TAFA1: variants seen among roughly 807,000 people sequenced by gnomAD.
The protein encoded by TAFA1 is chemokine-like protein TAFA-1.
Under a neutral mutation model 18.5 loss-of-function variants are expected in TAFA1, and 4 were observed. The ratio of observed to expected loss-of-function variants is 0.22; its 90% CI spans 0.11 to 0.49. The LOEUF is 0.49. Among genes scored for constraint, TAFA1 ranks in the 20% least tolerant of loss-of-function variants. The pLI is 0.98. For missense variants in TAFA1, 147 were observed against 169.0 expected (o/e 0.87, Z 0.72); for synonymous variants, 56 against 55.2 (o/e 1.01, Z -0.06).
At chr3:68,314,312 G>A (rs1385962291) in intron 2 of TAFA1, among the ~76,000 whole-genome samples, 2 of 152,150 alleles carry the variant, frequency 1.3e-5, no homozygotes, top group South Asian at 2.1e-4. Context: ...TTAATTGTAT[G>A]TTCAGAACTG....
chr3:68,431,246 T>C (rs761731439), intron 3 of TAFA1, among the ~76,000 whole-genome samples: 4 of 152,010 alleles, frequency 2.6e-5, no homozygotes, highest in Non-Finnish European at 5.9e-5. Flanking sequence ...GTTTCTCACA[T>C]TACCAAGTCC....
At chr3:68,188,207 G>A (rs1273629382) in intron 2 of TAFA1, among the ~76,000 whole-genome samples, 1 of 151,644 alleles carries the variant, frequency 6.6e-6, no homozygotes, top group African/African-American at 2.4e-5. Context: ...ATTTTGTTTA[G>A]GAAATTCTAA....
chr3:68,435,226 A>T, intron 3 of TAFA1, among the ~76,000 whole-genome samples: 1 of 152,148 alleles, frequency 6.6e-6, no homozygotes, highest in Admixed American at 6.6e-5. Flanking sequence ...TGGCATGTGC[A>T]AAAGCCCAGC....
chr3:68,504,545 C>T (rs2072715604), intron 3 of TAFA1, among the ~76,000 whole-genome samples: 1 of 152,116 alleles, frequency 6.6e-6, no homozygotes, highest in Non-Finnish European at 1.5e-5. Context: ...CACACAGGCA[C>T]ACAATTGTAA....
At chr3:68,121,457 T>C (rs1559528150) in intron 2 of TAFA1, among the ~76,000 whole-genome samples, 2 of 152,184 alleles carry the variant, frequency 1.3e-5, no homozygotes, top group African/African-American at 2.4e-5. Flanking sequence ...TATGCAAGTT[T>C]ATTTTTGGTG....
In TAFA1 at chr3:68,504,116, T is replaced by C. The variant is rs531860908; in HGVS notation, c.260-34640T>C. Among the ~76,000 whole-genome samples the C allele has an allele frequency of 2.0e-5, 3 of 152,292 alleles. No homozygotes were observed. In the East Asian group the frequency reaches 5.8e-4, roughly 29 times the overall value. On this transcript the variant is annotated intron_variant, in intron 3 of 4. Transcript: ENST00000478136. ...CTAATAATCACATTTTAGTCTTATTTATGTATAACCAAATATAAAGCAAAG... is the reference window on the plus strand; with the variant it reads ...CTAATAATCACATTTTAGTCTTATTCATGTATAACCAAATATAAAGCAAAG...
At chr3:68,053,840 A>C (rs926243316) in intron 2 of TAFA1, among the ~76,000 whole-genome samples, 1 of 152,114 alleles carries the variant, frequency 6.6e-6, no homozygotes, top group Non-Finnish European at 1.5e-5. Context: ...AGTAGCTCAG[A>C]CTATAAGCAA....
intron 2 of TAFA1, among the ~76,000 whole-genome samples, chr3:68,401,179 C>G (rs2070481617): frequency 6.6e-6 from 1 of 151,948 alleles, no homozygotes; most frequent in Non-Finnish European, 1.5e-5. Context: ...AGTCATGAGT[C>G]CAGGATGATA....
intron 2 of TAFA1, among the ~76,000 whole-genome samples, chr3:68,412,049 A>G (rs771298616): frequency 5.9e-5 from 9 of 152,158 alleles, no homozygotes; most frequent in East Asian, 3.9e-4. Flanking sequence ...ACTTGTCAAA[A>G]TCAAAGAGCC....
At chr3:68,383,173 T>C (rs1458102680) in intron 2 of TAFA1, among the ~76,000 whole-genome samples, 1 of 151,978 alleles carries the variant, frequency 6.6e-6, no homozygotes, top group Non-Finnish European at 1.5e-5. Flanking sequence ...CTTACTCTCT[T>C]TATTTCTTTC....
At chr3:68,207,745 T>A (rs1346998734) in intron 2 of TAFA1, among the ~76,000 whole-genome samples, 1 of 152,000 alleles carries the variant, frequency 6.6e-6, no homozygotes, top group African/African-American at 2.4e-5. Context: ...ATTACTAATG[T>A]TTATTAATCC....
intron 2 of TAFA1, among the ~76,000 whole-genome samples, chr3:68,134,833 T>C (rs1215532147): frequency 6.6e-6 from 1 of 152,216 alleles, no homozygotes; most frequent in South Asian, 2.1e-4. Context: ...CCCTTTTCTT[T>C]CTTATTCAAA....
intron 2 of TAFA1, among the ~76,000 whole-genome samples, chr3:68,396,393 T>C (rs1352323921): frequency 2.6e-5 from 4 of 152,108 alleles, no homozygotes; most frequent in African/African-American, 9.7e-5. Context: ...TCTACTACCT[T>C]TCCCAAGGTA....
chr3:68,031,248 G>T (rs1217270541), intron 2 of TAFA1, among the ~76,000 whole-genome samples: 1 of 152,104 alleles, frequency 6.6e-6, no homozygotes, highest in Non-Finnish European at 1.5e-5. Context: ...ATGGATTGGG[G>T]CCTGAATTTA....
intron 2 of TAFA1, among the ~76,000 whole-genome samples, chr3:68,222,326 C>G (rs1483700882): frequency 1.3e-5 from 2 of 152,060 alleles, no homozygotes; most frequent in Non-Finnish European, 2.9e-5. Flanking sequence ...TTCCTATTTC[C>G]TCCTCTGATA....
At chr3:68,393,549 G>GAC (rs562161925) in intron 2 of TAFA1, among the ~76,000 whole-genome samples, 129 of 152,106 alleles carry the variant, frequency 8.5e-4, no homozygotes, top group Non-Finnish European at 1.6e-3. Context: ...ACCTGGCAGA[G>GAC]ACACAATGAA....
intron 2 of TAFA1, among the ~76,000 whole-genome samples, chr3:68,088,347 A>ACCCGTT (rs2064995142): frequency 1.3e-5 from 2 of 152,092 alleles, no homozygotes; most frequent in South Asian, 2.1e-4. Flanking sequence ...TGTGGTTTTG[A>ACCCGTT]CACATATAGA....
At chr3:68,035,505 A>G (rs1363607489) in intron 2 of TAFA1, among the ~76,000 whole-genome samples, 2 of 152,204 alleles carry the variant, frequency 1.3e-5, no homozygotes, top group Non-Finnish European at 2.9e-5. Flanking sequence ...TATCTCATCT[A>G]AAAAATTCCG....
chr3:68,302,732 C>T (rs1435734652), intron 2 of TAFA1, among the ~76,000 whole-genome samples: 1 of 152,080 alleles, frequency 6.6e-6, no homozygotes, highest in Non-Finnish European at 1.5e-5. Context: ...TACCTCCTGG[C>T]CAGAAGTATG....
Sources: gnomAD v4.1 joint callset for allele counts (sites outside exome capture counted in the v4.1 genomes callset) on GRCh38, gnomAD v4.1.1 for gene constraint, MANE v1.5 for transcripts, NCBI Gene and HGNC (gene_info 2026-07-23, HGNC 2026-07-21) for gene names.